The following TYR variants were observed in gnomAD, a reference collection of about 807,000 sequenced individuals.
TYR encodes the protein LB24-AB.
A neutral mutation model predicts 51.5 loss-of-function variants in TYR; 58 were observed. The ratio of observed to expected loss-of-function variants is 1.13; its 90% CI spans 0.91 to 1.40. The LOEUF is 1.40. Among genes scored for constraint, TYR ranks in the 40% most tolerant of loss-of-function variants. TYR has a pLI of 0.00. For synonymous variants in TYR, 263 were observed against 235.2 expected (o/e 1.12, Z -1.08); for missense variants, 732 against 647.4 (o/e 1.13, Z -1.42).
chr11:89,210,495 C>T (rs1943739375), intron 2 of TYR, among the ~76,000 whole-genome samples: 1 of 152,144 alleles, frequency 6.6e-6, no homozygotes, highest in Admixed American at 6.5e-5. Flanking sequence ...ACATTTGATT[C>T]GTGTACCTGA....
intron 1 of TYR, among the ~76,000 whole-genome samples, chr11:89,184,935 C>T (rs1205402325): frequency 6.6e-6 from 1 of 152,126 alleles, no homozygotes; most frequent in East Asian, 1.9e-4. Context: ...GGGGGACTGC[C>T]CATTCAATTC....
At chr11:89,191,983 G>A (rs943642167) in intron 2 of TYR, 4 of 443,588 alleles carry the variant, frequency 9.0e-6, no homozygotes, top group African/African-American at 4.1e-5. Context: ...ACGTTTTAGT[G>A]TTTTAGTTTT....
intron 3 of TYR, among the ~76,000 whole-genome samples, chr11:89,250,867 G>C (rs142585925): frequency 9.3e-4 from 142 of 152,042 alleles, no homozygotes; most frequent in South Asian, 2.3e-3. Context: ...GTTACAAGTA[G>C]TGAGAATGAA....
At chr11:89,264,387 C>G (rs1170461874) in intron 3 of TYR, among the ~76,000 whole-genome samples, 1 of 150,880 alleles carries the variant, frequency 6.6e-6, no homozygotes, top group Admixed American at 6.6e-5. Flanking sequence ...TTTTTTTTTA[C>G]CTTTTAAGTT....
chr11:89,220,761 A>G (rs574053951), intron 2 of TYR, among the ~76,000 whole-genome samples: 2 of 152,282 alleles, frequency 1.3e-5, no homozygotes, highest in East Asian at 3.9e-4. Context: ...CGTCTCAAAA[A>G]AACAAAACTC....
chr11:89,250,321 G>A (rs2135298827), intron 3 of TYR, among the ~76,000 whole-genome samples: 1 of 151,898 alleles, frequency 6.6e-6, no homozygotes, highest in African/African-American at 2.4e-5. Context: ...TCTGAAGGCG[G>A]AGGCAAAGAA....
intron 3 of TYR, among the ~76,000 whole-genome samples, chr11:89,242,075 GAGTC>G (rs1287325306): frequency 6.6e-6 from 1 of 152,114 alleles, no homozygotes; most frequent in Admixed American, 6.6e-5. Context: ...AGCATGGAAA[GAGTC>G]AGGTTGGATA....
intron 3 of TYR, among the ~76,000 whole-genome samples, chr11:89,281,945 C>T (rs1590899858): frequency 6.6e-6 from 1 of 151,908 alleles, no homozygotes; most frequent in East Asian, 1.9e-4. Context: ...CCCTCCTCCC[C>T]AAATGTCAAT....
intron 2 of TYR, among the ~76,000 whole-genome samples, chr11:89,227,202 T>C (rs1359839489): frequency 6.6e-6 from 1 of 152,194 alleles, no homozygotes; most frequent in Non-Finnish European, 1.5e-5. Flanking sequence ...TAATTGCTCT[T>C]ATTAAAATTT....
At position 89,178,438 on chromosome 11, in the gene TYR, G is replaced by A. The variant is rs1447633345; in HGVS notation, c.485G>A (p.Gly162Glu). 7.4e-6 allele frequency: 12 copies of A among 1,614,124 alleles called. No homozygotes were observed. Among genetic ancestry groups the A allele is most frequent in the East Asian group, 2.2e-5 (1 of 44,870 alleles). Residue 162 changes from glycine to glutamate, a missense_variant, in exon 1 of 5, where the codon GGA becomes GAA. Transcript: ENST00000263321. ...GGGACCTATGGCCAAATGAAAAATG[G>A]ATCAACACCCATGTTTAACGACATC... ...PIGTYGQMKN[G>E]STPMFNDINI...
intron 4 of TYR, among the ~76,000 whole-genome samples, chr11:89,287,378 A>G (rs1944801852): frequency 6.6e-6 from 1 of 151,870 alleles, no homozygotes; most frequent in South Asian, 2.1e-4. Context: ...CTATCACACC[A>G]GGTTTTTTTT....
intron 3 of TYR, among the ~76,000 whole-genome samples, chr11:89,240,734 T>C (rs1289110667): frequency 6.6e-6 from 1 of 152,186 alleles, no homozygotes; most frequent in Admixed American, 6.5e-5. Context: ...ATAATCTCTT[T>C]TTGAAGAAAT....
intron 3 of TYR, among the ~76,000 whole-genome samples, chr11:89,246,323 T>C (rs17174064): frequency 0.16 from 24,704 of 152,138 alleles, 3,364 homozygotes; most frequent in African/African-American, 0.37. Context: ...AGCCTAATTT[T>C]CCTCACTTAC....
Position 89,227,859 on chromosome 11 carries a change from C to T in TYR, c.1073C>T (p.Ser358Phe). ...ASPLTGIADASQSSMHNALHI... is the reference protein window; with the variant it reads ...ASPLTGIADAFQSSMHNALHI... ...CCACTTACTGGGATAGCGGATGCCT[C>T]TCAAAGCAGCATGCACAATGCCTTG... is the stretch of plus-strand genomic sequence containing the variant. Residue 358 changes from serine (S) to phenylalanine (F), a missense_variant, in exon 3 of 5, where the codon TCT (serine) becomes TTT (phenylalanine). By Grantham distance (155) the Ser-to-Phe change is radical (BLOSUM62 -2). Coordinates refer to ENST00000263321, the MANE Select transcript of TYR (RefSeq NM_000372.5). The T allele has an allele frequency of 6.2e-7, 1 of 1,613,300 alleles. No homozygotes were observed. Among genetic ancestry groups the T allele is most frequent in the South Asian group, 1.1e-5 (1 of 91,064 alleles).
intron 3 of TYR, among the ~76,000 whole-genome samples, chr11:89,229,509 C>A (rs1285059761): frequency 4.0e-5 from 6 of 151,744 alleles, no homozygotes; most frequent in Non-Finnish European, 8.8e-5. Flanking sequence ...ACCACTCTTG[C>A]CACCTCCATT....
intron 2 of TYR, among the ~76,000 whole-genome samples, chr11:89,208,782 G>T (rs35300336): frequency 6.6e-6 from 1 of 151,938 alleles, no homozygotes; most frequent in Non-Finnish European, 1.5e-5. Context: ...CTTCTTAGAC[G>T]TATTTACTTT....
chr11:89,277,252 A>T (rs1279247583), intron 3 of TYR, among the ~76,000 whole-genome samples: 2 of 151,892 alleles, frequency 1.3e-5, no homozygotes, highest in East Asian at 3.9e-4. Context: ...ATAATAATAA[A>T]AGAAAAAAAA....
At chr11:89,233,550 T>C (rs1944076609) in intron 3 of TYR, among the ~76,000 whole-genome samples, 2 of 140,862 alleles carry the variant, frequency 1.4e-5, no homozygotes, top group South Asian at 2.4e-4. Context: ...CTATGGAATA[T>C]ATAGCCTTAC....
At chr11:89,294,632 A>G (rs868681650) in intron 4 of TYR, among the ~76,000 whole-genome samples, 1 of 152,238 alleles carries the variant, frequency 6.6e-6, no homozygotes. Flanking sequence ...AATCTGTTTC[A>G]AGATTTAAGA....
Sources: allele counts gnomAD v4.1 joint callset (sites outside exome capture counted in the v4.1 genomes callset), GRCh38; gene constraint gnomAD v4.1.1; transcripts MANE v1.5; gene names NCBI Gene and HGNC (gene_info 2026-07-23, HGNC 2026-07-21).